NMNAT3: variants seen among roughly 807,000 people sequenced by gnomAD.
NMNAT3 encodes nicotinamide nucleotide adenylyltransferase 3.
A neutral mutation model predicts 24.8 loss-of-function variants in NMNAT3; 21 were observed. The ratio of observed to expected loss-of-function variants is 0.85; its 90% CI spans 0.60 to 1.22. NMNAT3 has a LOEUF of 1.22. Ranked by LOEUF, NMNAT3 falls within the 50% of genes most tolerant of loss-of-function variation. The pLI is 0.00. For synonymous variants in NMNAT3, 136 were observed against 155.2 expected, an observed-to-expected ratio of 0.88 and a Z score of 0.92; for missense variants, 387 against 436.6, an observed-to-expected ratio of 0.89 and a Z score of 1.01.
intron 3 of NMNAT3, among the ~76,000 whole-genome samples, chr3:139,622,514 C>A (rs2055826967): frequency 6.6e-6 from 1 of 151,538 alleles, no homozygotes; most frequent in Non-Finnish European, 1.5e-5. Flanking sequence ...GCAGGCTGAC[C>A]ACAAGGTCAG....
chr3:139,577,922 A>G (rs1461507372), intron 5 of NMNAT3: 2 of 152,248 alleles, frequency 1.3e-5, no homozygotes, highest in Non-Finnish European at 2.9e-5. Flanking sequence ...TTTTCTCCCA[A>G]GTGATTTTGA....
At chr3:139,582,828 T>G (rs1430474912) in intron 4 of NMNAT3, 2 of 665,182 alleles carry the variant, frequency 3.0e-6, no homozygotes, top group African/African-American at 3.8e-5. Flanking sequence ...ATATAGGTAT[T>G]CAATGCAACT....
intron 4 of NMNAT3, among the ~76,000 whole-genome samples, chr3:139,581,725 G>A (rs183846153): frequency 1.3e-5 from 2 of 152,274 alleles, no homozygotes; most frequent in East Asian, 3.9e-4. Context: ...TGTGGGGAAA[G>A]CTGGATGAGA....
chr3:139,678,000 T>C (rs2057990854), upstream of NMNAT3: 1 of 151,742 alleles, frequency 6.6e-6, no homozygotes, highest in African/African-American at 2.4e-5. Flanking sequence ...GCCCCGCCCC[T>C]TCGCTGGGGC....
At chr3:139,620,869 C>T (rs1272062998) in intron 3 of NMNAT3, among the ~76,000 whole-genome samples, 2 of 152,202 alleles carry the variant, frequency 1.3e-5, no homozygotes, top group East Asian at 1.9e-4. Flanking sequence ...TCATAGCTCA[C>T]TATGGTTTTG....
intron 3 of NMNAT3, among the ~76,000 whole-genome samples, chr3:139,591,226 G>A (rs1423621628): frequency 2.0e-5 from 3 of 151,424 alleles, no homozygotes; most frequent in African/African-American, 4.9e-5. Flanking sequence ...CTGGAAAATC[G>A]GGTCACTCCC....
rs1345898965 is a variant in NMNAT3, at chr3:139,628,315, A to G, written c.-40-551T>C. Among the ~76,000 whole-genome samples the G allele has an allele frequency of 2.0e-5, 3 of 152,320 alleles. No homozygotes were observed. In the East Asian group the frequency reaches 5.8e-4, roughly 29 times the overall value. ...GATTCCCCAATGTTAACATTTTACCACACTTGCTTTATCACTCTCTTTCCA... is the reference window on the plus strand; with the variant it reads ...GATTCCCCAATGTTAACATTTTACCGCACTTGCTTTATCACTCTCTTTCCA... On this transcript the variant is annotated intron_variant, in intron 2 of 6. Transcript: ENST00000643695.
intron 1 of NMNAT3, among the ~76,000 whole-genome samples, chr3:139,663,934 G>A: frequency 6.6e-6 from 1 of 152,160 alleles, no homozygotes; most frequent in South Asian, 2.1e-4. Flanking sequence ...TGCCCTCCAA[G>A]CACACCACAC....
At chr3:139,620,219 A>C (rs570633802) in intron 3 of NMNAT3, among the ~76,000 whole-genome samples, 2 of 146,658 alleles carry the variant, frequency 1.4e-5, no homozygotes, top group African/African-American at 5.0e-5. Flanking sequence ...TTTTTTTTAA[A>C]GTTTGATGTT....
chr3:139,592,189 C>T (rs1201060083), intron 3 of NMNAT3, among the ~76,000 whole-genome samples: 6 of 151,920 alleles, frequency 3.9e-5, no homozygotes, highest in South Asian at 2.1e-4. Flanking sequence ...CCTCAGGAGC[C>T]GATGCGATCA....
rs368575904 is a variant in NMNAT3 at position 139,668,056 on chromosome 3, A to C, written c.-141+9649T>G. Among the ~76,000 whole-genome samples, 9 of 152,220 alleles carry C rather than the reference A, an allele frequency of 5.9e-5. No homozygotes were observed. In the East Asian group the frequency reaches 9.6e-4, roughly 16 times the overall value. The stretch of plus-strand genomic sequence containing the variant: ...ACCAGGTGTGTGAATGAAATTATCC[A>C]GGTGTAACGTACAGGCAAGAGGAAC... On this transcript the variant is annotated intron_variant, in intron 1 of 6. Transcript: ENST00000643695.
intron 1 of NMNAT3, among the ~76,000 whole-genome samples, chr3:139,667,605 T>C (rs1030785273): frequency 2.0e-5 from 3 of 152,172 alleles, no homozygotes; most frequent in Non-Finnish European, 4.4e-5. Flanking sequence ...TCAGCCCCCT[T>C]CTAACTGCCT....
chr3:139,591,293 T>G (rs561772791), intron 3 of NMNAT3, among the ~76,000 whole-genome samples: 1 of 151,896 alleles, frequency 6.6e-6, no homozygotes, highest in African/African-American at 2.4e-5. Flanking sequence ...CGAGACTATA[T>G]CCCACACCTG....
intron 3 of NMNAT3, among the ~76,000 whole-genome samples, chr3:139,604,965 A>C (rs1006092954): frequency 1.3e-5 from 2 of 152,234 alleles, no homozygotes; most frequent in African/African-American, 4.8e-5. Flanking sequence ...AATTCATGCC[A>C]GTAAGTATGC....
At chr3:139,611,670 G>A (rs2055221908) in intron 3 of NMNAT3, among the ~76,000 whole-genome samples, 1 of 152,214 alleles carries the variant, frequency 6.6e-6, no homozygotes, top group East Asian at 1.9e-4. Context: ...GAGCAACCAA[G>A]TGAGAGCTAA....
chr3:139,660,600 T>C (rs2057384479), intron 1 of NMNAT3, among the ~76,000 whole-genome samples: 1 of 152,166 alleles, frequency 6.6e-6, no homozygotes, highest in South Asian at 2.1e-4. Context: ...AGGATAACAT[T>C]GTATTTAGAG....
At position 139,560,723 on chromosome 3, in the gene NMNAT3, A is replaced by C. The variant is rs910313171; in HGVS notation, c.*287T>G. On this transcript the variant is annotated 3_prime_UTR_variant, in exon 7 of 7. Transcript: ENST00000643695. ...CCATAATTACCATCCACACAAAATA[A>C]GTAGACCTCCTTGTCCAGCAGCTCT... 1 of 376,720 alleles carries C rather than the reference A, an allele frequency of 2.7e-6. No individual in the cohort carries two copies. The highest frequency in any genetic ancestry group is 2.0e-5 in the African/African-American group (1 of 49,426). 23.3% of individuals were successfully genotyped at this position (376,720 alleles called of 1,614,324 possible).
At chr3:139,629,386 A>G (rs892009889) in intron 2 of NMNAT3, among the ~76,000 whole-genome samples, 1 of 152,246 alleles carries the variant, frequency 6.6e-6, no homozygotes, top group Non-Finnish European at 1.5e-5. Flanking sequence ...GAAGCTTTAT[A>G]AGATAGGCTT....
At chr3:139,610,020 T>C (rs558456232) in intron 3 of NMNAT3, 13 of 152,232 alleles carry the variant, frequency 8.5e-5, no homozygotes, top group African/African-American at 2.9e-4. Flanking sequence ...GTTTTTTATT[T>C]GGTTGGGGGA....
Sources: allele counts gnomAD v4.1 joint callset (sites outside exome capture counted in the v4.1 genomes callset), GRCh38; gene constraint gnomAD v4.1.1; transcripts MANE v1.5; gene names NCBI Gene and HGNC (gene_info 2026-07-23, HGNC 2026-07-21).